Variants in VPS13D observed in about 807,000 individuals in gnomAD.
VPS13D encodes the protein vacuolar protein sorting 13 homolog D.
In VPS13D, 187 loss-of-function variants were observed where a neutral mutation model predicts 461.9. The observed-to-expected ratio is 0.40, with a 90% CI of 0.36 to 0.46. The LOEUF is 0.46. Among genes scored for constraint, VPS13D ranks in the 20% least tolerant of loss-of-function variants. The pLI is 0.60. For synonymous variants in VPS13D, 1,951 were observed against 1,986.3 expected, an observed-to-expected ratio of 0.98 and a Z score of 0.47; for missense variants, 4,711 against 5,364.9, an observed-to-expected ratio of 0.88 and a Z score of 3.81.
chr1:12,348,908 T>A lies in VPS13D; in HGVS notation c.9155T>A (p.Leu3052His). 6.2e-7 allele frequency: 1 copy of A among 1,614,210 alleles called. No individual in the cohort carries two copies. Among genetic ancestry groups the A allele is most frequent in the Non-Finnish European group, 8.5e-7 (1 of 1,180,030 alleles). The change falls in exon 45 of 70, where the codon CTC (leucine) becomes CAC (histidine). Residue 3052 changes from leucine (L) to histidine (H), a missense_variant. Leu to His is a moderately conservative substitution (Grantham distance 99). Around this residue, in one of 3 missense-constraint regions of VPS13D, gnomAD observed 4,411 missense variants for 4,937.8 expected, o/e 0.89. Transcript: ENST00000620676. ...ARKVITVRSA[L>H]IVRNRLETPM... is the part of the protein sequence containing the mutation. ...AAAGTCATCACTGTCCGGTCAGCCC[T>A]CATTGTGAGGAACAGACTTGAGACA... is the stretch of plus-strand genomic sequence containing the variant.
At chr1:12,348,413 T>G (rs554989284) in intron 44 of VPS13D, among the ~76,000 whole-genome samples, 1 of 152,364 alleles carries the variant, frequency 6.6e-6, no homozygotes, top group South Asian at 2.1e-4. Flanking sequence ...TCAGTTTCGT[T>G]GTAAGGAACT....
intron 40 of VPS13D, among the ~76,000 whole-genome samples, chr1:12,340,567 T>A (rs1420205579): frequency 1.3e-5 from 2 of 152,212 alleles, no homozygotes; most frequent in East Asian, 3.8e-4. Flanking sequence ...AGGCAGGACA[T>A]GTTGCAGTTT....
chr1:12,327,844 C>CA lies in VPS13D; in HGVS notation c.8188dup (p.Thr2730AsnfsTer14). ...ATTGTGATGTTCCTCTCGCTGAACT[C>CA]ACCTTTTCCCGTGAGTGTTGTACTG... On this transcript the variant is annotated frameshift_variant, in exon 36 of 70. Coordinates refer to ENST00000620676, the MANE Select transcript of VPS13D (RefSeq NM_015378.4). LOFTEE classifies it high-confidence loss of function. 1 of 1,613,704 alleles carries CA rather than the reference C, an allele frequency of 6.2e-7. No individual in the cohort carries two copies. The highest frequency in any genetic ancestry group is 1.1e-5 in the South Asian group (1 of 91,042).
chr1:12,492,184 C>T (rs942432165), intron 67 of VPS13D, among the ~76,000 whole-genome samples: 2 of 152,326 alleles, frequency 1.3e-5, no homozygotes, highest in African/African-American at 2.4e-5. Context: ...GGGCCTGAGT[C>T]GTTTAGACGT....
chr1:12,270,918 T>G, intron 16 of VPS13D, 76 bp from the exon 17 acceptor site: 304 of 1,535,434 alleles, frequency 2.0e-4, no homozygotes, highest in Non-Finnish European at 2.5e-4. Context: ...ACATTCTTGG[T>G]GAGAATTGAT....
chr1:12,469,512 G>C (rs913747272), intron 67 of VPS13D, among the ~76,000 whole-genome samples: 1 of 152,172 alleles, frequency 6.6e-6, no homozygotes, highest in Non-Finnish European at 1.5e-5. Flanking sequence ...GCCAACAAAC[G>C]TACCTGGTTA....
At chr1:12,375,868 A>G (rs971019558) in intron 55 of VPS13D, among the ~76,000 whole-genome samples, 11 of 151,876 alleles carry the variant, frequency 7.2e-5, no homozygotes, top group Non-Finnish European at 7.4e-5. Flanking sequence ...CCCACCACAC[A>G]CACAAGCCCC....
intron 65 of VPS13D, among the ~76,000 whole-genome samples, chr1:12,439,650 A>T (rs1299697111): frequency 6.6e-6 from 1 of 152,220 alleles, no homozygotes; most frequent in African/African-American, 2.4e-5. Context: ...ATGAGGGCTG[A>T]AAGTTTTGTC....
intron 6 of VPS13D, among the ~76,000 whole-genome samples, chr1:12,249,979 CAGGTTGTG>C (rs1391161804): frequency 6.6e-6 from 1 of 152,212 alleles, no homozygotes; most frequent in African/African-American, 2.4e-5. Flanking sequence ...TCACAAGGCC[CAGGTTGTG>C]ACCGGTGCTT....
chr1:12,327,996 A>G (rs569148712), intron 36 of VPS13D, 142 bp downstream of exon 36: 2 of 885,758 alleles, frequency 2.3e-6, no homozygotes, highest in Non-Finnish European at 3.3e-6. Context: ...TATGTTTTTC[A>G]TTATGTATGT....
intron 53 of VPS13D, among the ~76,000 whole-genome samples, 159 bp from the exon 54 acceptor site, chr1:12,369,308 A>G (rs894437520): frequency 6.6e-6 from 1 of 152,068 alleles, no homozygotes; most frequent in Non-Finnish European, 1.5e-5. Context: ...ATGATTAGAA[A>G]CATTCGAAAG....
At chr1:12,272,325 G>C (rs1030607941) in intron 17 of VPS13D, among the ~76,000 whole-genome samples, 4 of 151,912 alleles carry the variant, frequency 2.6e-5, no homozygotes, top group Non-Finnish European at 5.9e-5. Flanking sequence ...TGTCAGAGAA[G>C]CAGAAATGAT....
chr1:12,331,036 G>A (rs961906667), intron 37 of VPS13D, among the ~76,000 whole-genome samples: 1 of 152,178 alleles, frequency 6.6e-6, no homozygotes, highest in Non-Finnish European at 1.5e-5. Flanking sequence ...TTTGGGAGAC[G>A]TAAACCTCAA....
chr1:12,311,864 G>C lies in VPS13D; in HGVS notation c.6874G>C (p.Val2292Leu). The change falls in exon 29 of 70, where the codon GTG (valine) becomes CTG (leucine). Residue 2292 changes from valine (V) to leucine (L), a missense_variant. Coordinates refer to ENST00000620676, the MANE Select transcript of VPS13D (RefSeq NM_015378.4). The stretch of plus-strand genomic sequence containing the variant: ...CTGTATGTGCTTCCTCATTGATATG[G>C]TGAATGTAAGTCTGGAGCTTAAAGA... Reference protein sequence around the residue: ...YTCMCFLIDMVNVSLELKDPK... With the variant: ...YTCMCFLIDMLNVSLELKDPK... The C allele has an allele frequency of 6.2e-7, 1 of 1,614,184 alleles. No homozygotes were observed. The highest frequency in any genetic ancestry group is 8.5e-7 in the Non-Finnish European group (1 of 1,180,028).
chr1:12,295,128 G>A (rs999008284), intron 24 of VPS13D, among the ~76,000 whole-genome samples: 14 of 151,276 alleles, frequency 9.3e-5, no homozygotes, highest in African/African-American at 3.4e-4. Flanking sequence ...GGAGGCTGAG[G>A]TGGGAGGATG....
Position 12,381,922 on chromosome 1 carries a change from T to TTTTCTTTTCTTTCTTTCTTTC in VPS13D, c.11191-1047_11191-1046insTCTTTCTTTCTTTCTTTCTTT, listed in dbSNP as rs71570104. On this transcript the variant is annotated intron_variant, in intron 57 of 69. Transcript: ENST00000620676. ...TCTTTTTTTCTTTTTCTTTCTTTTCTTTTCTTTCTTTCTTTCTTTCTTTCT... is the reference window on the plus strand; with the variant it reads ...TCTTTTTTTCTTTTTCTTTCTTTTCTTTTCTTTTCTTTCTTTCTTTCTTTCTTTCTTTCTTTCTTTCTTTCT... Among the ~76,000 whole-genome samples the TTTTCTTTTCTTTCTTTCTTTC allele has an allele frequency of 2.2e-3, 221 of 101,250 alleles. 1 individual carries two copies. The highest frequency in any genetic ancestry group is 4.6e-3 in the East Asian group (17 of 3,722). 66.4% of individuals were successfully genotyped at this position (101,250 alleles called of 152,430 possible).
At chr1:12,442,840 C>T (rs919078589) in intron 65 of VPS13D, among the ~76,000 whole-genome samples, 4 of 152,042 alleles carry the variant, frequency 2.6e-5, no homozygotes, top group Non-Finnish European at 4.4e-5. Flanking sequence ...CCTCCCACCT[C>T]GGCCTCCCAA....
At position 12,245,048 on chromosome 1, in the gene VPS13D, T is replaced by G. The variant is rs187553772; in HGVS notation, c.447+431T>G. 2.0e-4 allele frequency among the ~76,000 whole-genome samples: 30 copies of G among 152,354 alleles called. No homozygotes were observed. The East Asian group carries it at 5.2e-3, about 26-fold the overall frequency. On this transcript the variant is annotated intron_variant, in intron 5 of 69. Coordinates refer to ENST00000620676, the MANE Select transcript of VPS13D (RefSeq NM_015378.4). ...AGAGGTTGGATGCCTGGTCTCTAGT[T>G]GGTTACATAGTGAGTTGTGAAATTG... is the stretch of plus-strand genomic sequence containing the variant.
In VPS13D at chr1:12,346,608, G is replaced by T. The variant is rs1643682042; in HGVS notation, c.9025G>T (p.Gly3009Cys). ...TAACTTTTGAAATCTTTTTCAGATT[G>T]GCAGCCCAAGCAGCAGAACAAATAT... is the stretch of plus-strand genomic sequence containing the variant. ...PDKNSSSSTI[G>C]SPSSRTNIIH... is the part of the protein sequence containing the mutation. The change falls in exon 44 of 70, where the codon GGC becomes TGC. Residue 3009 changes from glycine to cysteine, a missense_variant. By Grantham distance (159) the Gly-to-Cys change is radical. Around this residue, in one of 3 missense-constraint regions of VPS13D, gnomAD observed 4,411 missense variants for 4,937.8 expected, o/e 0.89. Coordinates refer to ENST00000620676, the MANE Select transcript of VPS13D (RefSeq NM_015378.4). 6.2e-7 allele frequency: 1 copy of T among 1,612,268 alleles called. No individual in the cohort carries two copies. The highest frequency in any genetic ancestry group is 1.7e-5 in the Admixed American group (1 of 59,686).
Sources: allele counts gnomAD v4.1 joint callset (sites outside exome capture counted in the v4.1 genomes callset), GRCh38; gene constraint gnomAD v4.1.1; regional missense constraint gnomAD v4.1.1; transcripts MANE v1.5; gene names NCBI Gene and HGNC (gene_info 2026-07-23, HGNC 2026-07-21).